MFHAS1: variants seen among roughly 807,000 people sequenced by gnomAD.
The protein encoded by MFHAS1 is malignant fibrous histiocytoma-amplified sequence 1.
Under a neutral mutation model 70.4 loss-of-function variants are expected in MFHAS1, and 50 were observed. The observed-to-expected ratio is 0.71, with a 90% CI of 0.57 to 0.90. The LOEUF (loss-of-function observed/expected upper bound fraction) is 0.90, where lower values mean the gene tolerates loss of function less well. Ranked by LOEUF, MFHAS1 falls within the 40% of genes least tolerant of loss-of-function variation. The probability of loss-of-function intolerance (pLI) is 0.00; values close to 1 mark genes in which losing one functional copy is unlikely to be tolerated. For missense variants in MFHAS1, 1,795 were observed against 1,347.6 expected, an observed-to-expected ratio of 1.33 and a Z score of -5.20; for synonymous variants, 952 against 620.0, an observed-to-expected ratio of 1.54 and a Z score of -7.96.
At chr8:8,878,031 G>C (rs1424206757) in intron 1 of MFHAS1, among the ~76,000 whole-genome samples, 1 of 152,156 alleles carries the variant, frequency 6.6e-6, no homozygotes, top group Non-Finnish European at 1.5e-5. Context: ...TGGTTAACTA[G>C]AAATCATCCT....
At chr8:8,840,176 G>C (rs1807755416) in intron 1 of MFHAS1, among the ~76,000 whole-genome samples, 1 of 152,136 alleles carries the variant, frequency 6.6e-6, no homozygotes, top group Admixed American at 6.5e-5. Context: ...CTCATTACTG[G>C]CCGGGCACAG....
intron 1 of MFHAS1, among the ~76,000 whole-genome samples, chr8:8,816,417 A>G (rs1309434691): frequency 2.6e-5 from 4 of 152,236 alleles, no homozygotes; most frequent in Non-Finnish European, 5.9e-5. Flanking sequence ...CCCCAAGAAA[A>G]TAAAATGCTT....
In MFHAS1 at chr8:8,877,387, C is replaced by CA. The variant is rs972852285; in HGVS notation, c.2998+12673dup. Among the ~76,000 whole-genome samples the CA allele has an allele frequency of 2.7e-5, 4 of 148,188 alleles. No individual in the cohort carries two copies. In the South Asian group the frequency reaches 8.8e-4, roughly 33 times the overall value. On this transcript the variant is annotated intron_variant, in intron 1 of 2. Transcript: ENST00000276282. ...TTCAGTCAGTGAGTAGTGTCACACA[C>CA]AAAAAAGCATAAAGTAAATATAGTG...
intron 1 of MFHAS1, among the ~76,000 whole-genome samples, chr8:8,803,129 T>G (rs1208358324): frequency 6.6e-6 from 1 of 152,202 alleles, no homozygotes; most frequent in Non-Finnish European, 1.5e-5. Flanking sequence ...CAAGGTTTGC[T>G]CTTGGCTCAA....
At chr8:8,887,128 AAAAC>A (rs768106645) in intron 1 of MFHAS1, among the ~76,000 whole-genome samples, 14 of 152,304 alleles carry the variant, frequency 9.2e-5, no homozygotes, top group Middle Eastern at 3.4e-3. Context: ...CTCCATCTCA[AAAAC>A]AAACAAACAA....
In MFHAS1 at chr8:8,843,160, T is replaced by TCGGGAGGCTGAGG. The variant is rs1454439862; in HGVS notation, c.2999-45682_2999-45670dup. Among the ~76,000 whole-genome samples the TCGGGAGGCTGAGG allele has an allele frequency of 5.3e-5, 8 of 151,562 alleles. No homozygotes were observed. In the East Asian group the frequency reaches 5.8e-4, roughly 11 times the overall value. On this transcript the variant is annotated intron_variant, in intron 1 of 2. Coordinates refer to ENST00000276282, the MANE Select transcript of MFHAS1 (RefSeq NM_004225.3). ...GGCGGGCGCCTGTAGTCCCAGCTAC[T>TCGGGAGGCTGAGG]CGGGAGGCTGAGGCAGGAGAATGGC...
At chr8:8,845,498 G>C (rs1007731982) in intron 1 of MFHAS1, among the ~76,000 whole-genome samples, 1 of 152,174 alleles carries the variant, frequency 6.6e-6, no homozygotes, top group African/African-American at 2.4e-5. Context: ...GCCGGAAACA[G>C]GTTCTCAATG....
At chr8:8,862,065 G>C (rs1412627556) in intron 1 of MFHAS1, among the ~76,000 whole-genome samples, 11 of 152,320 alleles carry the variant, frequency 7.2e-5, no homozygotes, top group Admixed American at 7.2e-4. Flanking sequence ...AAATTGCTGA[G>C]TTAGCTAGTA....
intron 1 of MFHAS1, among the ~76,000 whole-genome samples, chr8:8,808,834 G>A (rs530322249): frequency 6.7e-4 from 102 of 152,262 alleles, no homozygotes; most frequent in Non-Finnish European, 1.3e-3. Flanking sequence ...AGCATCCCCC[G>A]CAAATAAGGG....
intron 2 of MFHAS1, among the ~76,000 whole-genome samples, chr8:8,792,171 AG>A (rs1424264320): frequency 2.0e-5 from 3 of 151,382 alleles, no homozygotes; most frequent in Non-Finnish European, 4.4e-5. Flanking sequence ...CAGGGGGCAG[AG>A]GTTGCAGTGA....
At chr8:8,794,985 G>T (rs762537936) in intron 2 of MFHAS1, among the ~76,000 whole-genome samples, 4 of 152,160 alleles carry the variant, frequency 2.6e-5, no homozygotes, top group Non-Finnish European at 5.9e-5. Flanking sequence ...GATAAAGCTG[G>T]CTTGGTGCCA....
intron 2 of MFHAS1, among the ~76,000 whole-genome samples, chr8:8,794,680 T>G (rs1457595937): frequency 6.6e-6 from 1 of 151,274 alleles, no homozygotes; most frequent in Non-Finnish European, 1.5e-5. Context: ...GAACATTCCT[T>G]CATTTAGAGT....
At chr8:8,826,094 T>G (rs1465341411) in intron 1 of MFHAS1, among the ~76,000 whole-genome samples, 1 of 152,198 alleles carries the variant, frequency 6.6e-6, no homozygotes, top group Non-Finnish European at 1.5e-5. Flanking sequence ...TTAACACATA[T>G]TCATTGTTTT....
chr8:8,870,209 T>G (rs998313980), intron 1 of MFHAS1, among the ~76,000 whole-genome samples: 2 of 151,372 alleles, frequency 1.3e-5, no homozygotes, highest in African/African-American at 4.9e-5. Flanking sequence ...ATCCCAGCAC[T>G]TCGGGAGGAC....
In MFHAS1 at chr8:8,786,000, G is replaced by A. The variant is rs1261413136; in HGVS notation, c.*22C>T. 1 of 1,613,718 alleles carries A rather than the reference G, an allele frequency of 6.2e-7. No homozygotes were observed. The highest frequency in any genetic ancestry group is 8.5e-7 in the Non-Finnish European group (1 of 1,179,716). The stretch of plus-strand genomic sequence containing the variant: ...TGTTCAGATGCTCTCTTTTCTCCAT[G>A]GAAATTCCACAGCCACAAACGTCAC... On this transcript the variant is annotated 3_prime_UTR_variant, in exon 3 of 3. Transcript: ENST00000276282.
At chr8:8,829,962 C>T (rs1386908479) in intron 1 of MFHAS1, among the ~76,000 whole-genome samples, 1 of 152,198 alleles carries the variant, frequency 6.6e-6, no homozygotes, top group Admixed American at 6.5e-5. Context: ...AACAGTGCTT[C>T]TCAGCCTTGC....
intron 1 of MFHAS1, among the ~76,000 whole-genome samples, chr8:8,832,444 CACACACACACAG>C (rs1432579624): frequency 1.3e-5 from 2 of 151,180 alleles, no homozygotes; most frequent in African/African-American, 4.9e-5. Context: ...CACACACACA[CACACACACACAG>C]AGCCAGTAAC....
intron 1 of MFHAS1, among the ~76,000 whole-genome samples, chr8:8,831,909 G>C (rs1807403217): frequency 6.6e-6 from 1 of 152,168 alleles, no homozygotes; most frequent in Admixed American, 6.5e-5. Context: ...ACCGCCCCCA[G>C]CCGTCAATTG....
At chr8:8,874,304 A>G (rs553930897) in intron 1 of MFHAS1, among the ~76,000 whole-genome samples, 3 of 151,182 alleles carry the variant, frequency 2.0e-5, no homozygotes, top group Admixed American at 6.6e-5. Flanking sequence ...CTACTATGCT[A>G]TATTTGTAGG....
Sources: gnomAD v4.1 joint callset for allele counts (sites outside exome capture counted in the v4.1 genomes callset) on GRCh38, gnomAD v4.1.1 for gene constraint, MANE v1.5 for transcripts, NCBI Gene and HGNC (gene_info 2026-07-23, HGNC 2026-07-21) for gene names.